Variants in TMEM243 observed in about 807,000 individuals in gnomAD.
The protein encoded by TMEM243 is transmembrane protein 243, also known as MDR1 and mitochondrial taxol resistance associated.
Under a neutral mutation model 15.0 loss-of-function variants are expected in TMEM243, and 20 were observed. That is an observed-to-expected ratio of 1.33 (90% CI 0.94 to 1.93). The LOEUF (loss-of-function observed/expected upper bound fraction) is 1.93. Ranked by LOEUF, TMEM243 falls within the 30% of genes most tolerant of loss-of-function variation. The probability of loss-of-function intolerance (pLI) is 0.00; values close to 1 mark genes in which losing one functional copy is unlikely to be tolerated. For synonymous variants in TMEM243, 72 were observed against 52.7 expected (o/e 1.37, Z -1.59); for missense variants, 156 against 142.1 (o/e 1.10, Z -0.50).
chr7:87,210,147 G>A (rs937111957), intron 1 of TMEM243, among the ~76,000 whole-genome samples: 3 of 151,992 alleles, frequency 2.0e-5, no homozygotes, highest in Non-Finnish European at 2.9e-5. Flanking sequence ...ATGAGAACTC[G>A]TTCATGAGAC....
chr7:87,201,517 C>G (rs1801808313), intron 1 of TMEM243, among the ~76,000 whole-genome samples: 1 of 152,168 alleles, frequency 6.6e-6, no homozygotes, highest in South Asian at 2.1e-4. Context: ...TTCCCTGGGC[C>G]TAGAGATTAT....
chr7:87,197,652 A>G (rs1801410581), intron 3 of TMEM243: 1 of 1,157,472 alleles, frequency 8.6e-7, no homozygotes, highest in African/African-American at 1.6e-5. Flanking sequence ...TGAATTAAGT[A>G]AATTAAAATC....
At chr7:87,218,154 T>C (rs1055932337) in intron 1 of TMEM243, among the ~76,000 whole-genome samples, 2 of 152,204 alleles carry the variant, frequency 1.3e-5, no homozygotes, top group East Asian at 1.9e-4. Context: ...ACGTTTTTTT[T>C]CTCCACCTGA....
At chr7:87,219,141 A>G (rs575110457) in intron 1 of TMEM243, among the ~76,000 whole-genome samples, 4 of 151,300 alleles carry the variant, frequency 2.6e-5, no homozygotes. Context: ...CACTAAATCA[A>G]CCTCCCCTCC....
intron 1 of TMEM243, among the ~76,000 whole-genome samples, chr7:87,214,401 T>C (rs1802963630): frequency 6.6e-6 from 1 of 152,178 alleles, no homozygotes; most frequent in Non-Finnish European, 1.5e-5. Flanking sequence ...AGGTTTTAGT[T>C]TACCCTAGGG....
At chr7:87,201,412 T>A (rs558963048) in intron 1 of TMEM243, among the ~76,000 whole-genome samples, 1 of 152,342 alleles carries the variant, frequency 6.6e-6, no homozygotes, top group South Asian at 2.1e-4. Context: ...TCTGGTAATT[T>A]ATGTGCACAT....
rs1457580721 is a variant in TMEM243, at chr7:87,198,018, G to A, written c.157C>T (p.Pro53Ser). The A allele has an allele frequency of 1.9e-6, 3 of 1,612,324 alleles. No homozygotes were observed. Among genetic ancestry groups the A allele is most frequent in the East Asian group, 2.2e-5 (1 of 44,794 alleles). Residue 53 changes from proline (P) to serine (S), a missense_variant, in exon 3 of 4, where the codon CCT becomes TCT. Transcript: ENST00000257637. Reference sequence around the variant, plus strand: ...TTCAACGGTTTTGGAGGTAGTTGAGGGAAAACAAAAGCACTTATCAGCGTT... The same window carrying A: ...TTCAACGGTTTTGGAGGTAGTTGAGAGAAAACAAAAGCACTTATCAGCGTT... ...LVTLISAFVF[P>S]QLPPKPLNIF...
intron 1 of TMEM243, among the ~76,000 whole-genome samples, chr7:87,208,573 G>A (rs533320150): frequency 6.6e-6 from 1 of 152,214 alleles, no homozygotes; most frequent in Admixed American, 6.5e-5. Context: ...AATAGGCCTT[G>A]CTCTGAAGTC....
chr7:87,215,274 T>G (rs1803024227), intron 1 of TMEM243, among the ~76,000 whole-genome samples: 1 of 152,034 alleles, frequency 6.6e-6, no homozygotes, highest in South Asian at 2.1e-4. Context: ...GCCCAGCTAA[T>G]TTTTTGTGTG....
At chr7:87,198,504 AT>A (rs1801545790) in intron 2 of TMEM243, 3 of 168,304 alleles carry the variant, frequency 1.8e-5, no homozygotes, top group Admixed American at 1.8e-4. Context: ...TTAAGAAGCC[AT>A]GGAAAAAAAT....
At chr7:87,209,705 T>TGAGAGCGAGACACAGA (rs1802546979) in intron 1 of TMEM243, among the ~76,000 whole-genome samples, 4 of 78,430 alleles carry the variant, frequency 5.1e-5, no homozygotes, top group African/African-American at 1.2e-4. Context: ...CGAGACACAG[T>TGAGAGCGAGACACAGA]GAGAGCGAGA....
intron 1 of TMEM243, among the ~76,000 whole-genome samples, chr7:87,203,250 A>AT (rs1584525035): frequency 6.6e-6 from 1 of 152,156 alleles, no homozygotes; most frequent in African/African-American, 2.4e-5. Context: ...CTAACCAACA[A>AT]TAAAAAGACC....
intron 1 of TMEM243, among the ~76,000 whole-genome samples, chr7:87,209,788 G>GAGAGCGAGACAGAGCGAGAC (rs1181156363): frequency 1.4e-5 from 2 of 146,288 alleles, no homozygotes; most frequent in African/African-American, 2.6e-5. Context: ...GCGAGACAGT[G>GAGAGCGAGACAGAGCGAGAC]AGAGCGAGAC....
chr7:87,209,497 AGAGAGAGT>A (rs1369824728), intron 1 of TMEM243, among the ~76,000 whole-genome samples: 1 of 148,098 alleles, frequency 6.8e-6, no homozygotes, highest in Non-Finnish European at 1.5e-5. Context: ...AGAGAGAGAG[AGAGAGAGT>A]GAGAAAGACA....
At chr7:87,200,959 G>C (rs1420391807) in intron 1 of TMEM243, among the ~76,000 whole-genome samples, 2 of 152,182 alleles carry the variant, frequency 1.3e-5, no homozygotes, top group African/African-American at 4.8e-5. Context: ...GGGTGACTTT[G>C]TTCCACATTT....
rs1491353366 is a variant in TMEM243, at chr7:87,197,716, T to TTA, written c.234+224_234+225insTA. The TTA allele has an allele frequency of 3.9e-4, 47 of 119,032 alleles. No individual in the cohort carries two copies. The African/African-American group carries it at 8.2e-3, about 21-fold the overall frequency. The allele number at this position is 119,032 out of a possible 1,614,324, so 7.4% of individuals were successfully genotyped here. A position where few individuals can be genotyped will look rare whatever the true frequency, so the allele number is the denominator to read the frequency against. On this transcript the variant is annotated intron_variant, in intron 3 of 3. Coordinates refer to ENST00000257637, the MANE Select transcript of TMEM243 (RefSeq NM_024315.4). ...TTTTTTTTTTTTTTTTTTTTTTTTT[T>TTA]AAGCTATCAAGGGAGTGGAATTTCT...
chr7:87,201,368 G>C (rs1801795290), intron 1 of TMEM243, among the ~76,000 whole-genome samples: 1 of 152,200 alleles, frequency 6.6e-6, no homozygotes, highest in Non-Finnish European at 1.5e-5. Flanking sequence ...GCCTCACTGA[G>C]ACCAACTGAA....
rs1802649521 is a variant in TMEM243 at position 87,210,256 on chromosome 7, G to A, written c.78+9170C>T. 2.0e-5 allele frequency among the ~76,000 whole-genome samples: 3 copies of A among 152,052 alleles called. No individual in the cohort carries two copies. In the South Asian group the frequency reaches 6.2e-4, roughly 32 times the overall value. Reference sequence around the variant, plus strand: ...ATGTGGAGATTACAATTTGACATGAGATTTGGGTAAGGACACAGCCAAACC... The same window carrying A: ...ATGTGGAGATTACAATTTGACATGAAATTTGGGTAAGGACACAGCCAAACC... On this transcript the variant is annotated intron_variant, in intron 1 of 3. Transcript: ENST00000257637.
At chr7:87,198,371 A>G (rs1801529581) in intron 2 of TMEM243, 1 of 239,108 alleles carries the variant, frequency 4.2e-6, no homozygotes, top group African/African-American at 2.3e-5. Flanking sequence ...TATTTTAAAT[A>G]TTTCTAGCAA....
Sources: allele counts gnomAD v4.1 joint callset (sites outside exome capture counted in the v4.1 genomes callset), GRCh38; gene constraint gnomAD v4.1.1; transcripts MANE v1.5; gene names NCBI Gene and HGNC (gene_info 2026-07-23, HGNC 2026-07-21).